RARB: variants seen among roughly 807,000 people sequenced by gnomAD.
RARB encodes retinoic acid receptor beta.
A neutral mutation model predicts 51.9 loss-of-function variants in RARB; 17 were observed. That is an observed-to-expected ratio of 0.33 (90% confidence interval 0.22 to 0.49). The LOEUF is 0.49. Ranked by LOEUF, RARB falls within the 20% of genes least tolerant of loss-of-function variation. The pLI, the probability that RARB is intolerant of heterozygous loss-of-function variation, is 0.99. For synonymous variants in RARB, 215 were observed against 195.4 expected, an observed-to-expected ratio of 1.10 and a Z score of -0.84; for missense variants, 369 against 550.8, an observed-to-expected ratio of 0.67 and a Z score of 3.30.
chr3:24,857,836 G>A (rs932619892), intron 1 of RARB, among the ~76,000 whole-genome samples: 42 of 152,310 alleles, frequency 2.8e-4, no homozygotes, highest in African/African-American at 9.1e-4. Flanking sequence ...TGAGATGGAA[G>A]GATAGCCTGA....
At chr3:25,366,373 T>C (rs1423220205) in intron 5 of RARB, among the ~76,000 whole-genome samples, 1 of 152,170 alleles carries the variant, frequency 6.6e-6, no homozygotes, top group Non-Finnish European at 1.5e-5. Context: ...ACTATTTTGT[T>C]AGTAAAATAA....
chr3:25,409,783 T>C (rs1379130252), intron 5 of RARB, among the ~76,000 whole-genome samples: 1 of 152,178 alleles, frequency 6.6e-6, no homozygotes, highest in African/African-American at 2.4e-5. Flanking sequence ...CTTTCCAAAA[T>C]TTTACCGCAC....
chr3:25,400,150 A>G (rs1056818223), intron 5 of RARB, among the ~76,000 whole-genome samples: 2 of 152,148 alleles, frequency 1.3e-5, no homozygotes, highest in African/African-American at 2.4e-5. Flanking sequence ...GCCAAGAACA[A>G]CTAACTCCCA....
intron 5 of RARB, among the ~76,000 whole-genome samples, chr3:25,251,031 C>T (rs1390565511): frequency 1.3e-5 from 2 of 152,162 alleles, no homozygotes; most frequent in Non-Finnish European, 2.9e-5. Flanking sequence ...TACTTCTCTA[C>T]TGAAAGTGTT....
At chr3:25,288,958 A>C (rs1703719381) in intron 5 of RARB, among the ~76,000 whole-genome samples, 1 of 152,158 alleles carries the variant, frequency 6.6e-6, no homozygotes, top group Admixed American at 6.5e-5. Context: ...CTTCACCTAT[A>C]TTTGGAGACC....
chr3:25,264,450 T>C (rs1703079354), intron 5 of RARB, among the ~76,000 whole-genome samples: 1 of 152,038 alleles, frequency 6.6e-6, no homozygotes, highest in African/African-American at 2.4e-5. Flanking sequence ...ATTTGGTCTT[T>C]CTCTGTTTTC....
intron 5 of RARB, among the ~76,000 whole-genome samples, chr3:25,206,656 A>G (rs1029817126): frequency 1.7e-4 from 26 of 152,218 alleles, no homozygotes; most frequent in African/African-American, 6.0e-4. Context: ...CAGTATTTGC[A>G]TGAAATACAG....
chr3:25,216,215 A>G (rs1701828906), intron 5 of RARB, among the ~76,000 whole-genome samples: 2 of 151,944 alleles, frequency 1.3e-5, no homozygotes, highest in South Asian at 2.1e-4. Flanking sequence ...CCTAAACACA[A>G]TCCTCTCCCC....
upstream of RARB, among the ~76,000 whole-genome samples, chr3:25,425,826 C>G (rs1707972621): frequency 6.6e-6 from 1 of 152,116 alleles, no homozygotes; most frequent in Non-Finnish European, 1.5e-5. Flanking sequence ...GACACCCATC[C>G]CCATCTTCAC....
chr3:25,186,182 G>T (rs1700970379), intron 5 of RARB, among the ~76,000 whole-genome samples: 1 of 151,924 alleles, frequency 6.6e-6, no homozygotes, highest in South Asian at 2.1e-4. Flanking sequence ...TCACTAAAAA[G>T]AAATTCAGAT....
At chr3:25,297,685 C>T (rs996157064) in intron 5 of RARB, among the ~76,000 whole-genome samples, 1 of 151,902 alleles carries the variant, frequency 6.6e-6, no homozygotes, top group Non-Finnish European at 1.5e-5. Context: ...TTTGTTTTCT[C>T]CCCTGTTAAA....
intron 5 of RARB, among the ~76,000 whole-genome samples, chr3:25,589,055 A>T (rs1701514563): frequency 6.6e-6 from 1 of 152,210 alleles, no homozygotes; most frequent in South Asian, 2.1e-4. Flanking sequence ...AAACCACCAC[A>T]CGTTATACCT....
intron 5 of RARB, among the ~76,000 whole-genome samples, chr3:25,422,414 G>A (rs1244686673): frequency 6.6e-6 from 1 of 152,188 alleles, no homozygotes; most frequent in Non-Finnish European, 1.5e-5. Context: ...CAGGCAAGCT[G>A]CAGCATGGTA....
intron 2 of RARB, among the ~76,000 whole-genome samples, chr3:25,038,964 G>A (rs1215162196): frequency 6.6e-6 from 1 of 152,128 alleles, no homozygotes; most frequent in Non-Finnish European, 1.5e-5. Flanking sequence ...CTTAATTCAG[G>A]TTCAGGCTTT....
chr3:25,149,195 G>GA (rs1700243238), intron 4 of RARB, among the ~76,000 whole-genome samples: 1 of 152,094 alleles, frequency 6.6e-6, no homozygotes, highest in African/African-American at 2.4e-5. Flanking sequence ...TTAGCCTACA[G>GA]AAAAAATATA....
At chr3:25,135,731 G>T (rs1243606469) in intron 4 of RARB, among the ~76,000 whole-genome samples, 1 of 151,818 alleles carries the variant, frequency 6.6e-6, no homozygotes, top group Non-Finnish European at 1.5e-5. Context: ...TTTTAGACAG[G>T]CAGTGTATGA....
At chr3:25,197,877 A>G (rs1701285160) in intron 5 of RARB, among the ~76,000 whole-genome samples, 1 of 152,064 alleles carries the variant, frequency 6.6e-6, no homozygotes, top group Admixed American at 6.6e-5. Context: ...CTGCAGATTC[A>G]GAGCAATCCC....
intron 5 of RARB, among the ~76,000 whole-genome samples, chr3:25,234,635 T>G (rs527541301): frequency 6.7e-6 from 1 of 148,526 alleles, no homozygotes; most frequent in South Asian, 2.1e-4. Context: ...TCACTTCTCT[T>G]TTCCCTGGGA....
chr3:24,861,337 G>A (rs770813296), intron 2 of RARB, among the ~76,000 whole-genome samples: 8 of 152,002 alleles, frequency 5.3e-5, no homozygotes, highest in African/African-American at 2.4e-5. Context: ...TGGTATCTTC[G>A]GGGAGCCCTG....
Sources: allele counts gnomAD v4.1 joint callset (sites outside exome capture counted in the v4.1 genomes callset), GRCh38; gene constraint gnomAD v4.1.1; transcripts MANE v1.5; gene names NCBI Gene and HGNC (gene_info 2026-07-23, HGNC 2026-07-21).